PPARGC1B: variants seen among roughly 807,000 people sequenced by gnomAD.
The protein encoded by PPARGC1B is peroxisome proliferator-activated receptor gamma coactivator 1-beta.
PPARGC1B carries 34 observed loss-of-function variants against 101.6 expected under a neutral mutation model. That is an observed-to-expected ratio of 0.33 (90% CI 0.25 to 0.45). The LOEUF (loss-of-function observed/expected upper bound fraction) is 0.45. Among genes scored for constraint, PPARGC1B ranks in the 20% least tolerant of loss-of-function variants. The pLI is 1.00. For missense variants in PPARGC1B, 1,234 were observed against 1,317.6 expected (o/e 0.94, Z 0.98); for synonymous variants, 548 against 539.3 (o/e 1.02, Z -0.22).
intron 1 of PPARGC1B, among the ~76,000 whole-genome samples, chr5:149,805,184 G>A (rs567543893): frequency 2.0e-5 from 3 of 152,276 alleles, no homozygotes; most frequent in South Asian, 4.1e-4. Context: ...TAGATAACAT[G>A]GGGAATGCCC....
At chr5:149,767,497 G>T (rs1199086515) in intron 1 of PPARGC1B, among the ~76,000 whole-genome samples, 1 of 152,132 alleles carries the variant, frequency 6.6e-6, no homozygotes, top group Non-Finnish European at 1.5e-5. Context: ...ACAGACATGG[G>T]GTCTCAGAGT....
rs190030213 is a variant in PPARGC1B, at chr5:149,835,188, G to A, written c.1743-113G>A. On this transcript the variant is annotated intron_variant, in intron 6 of 11. Transcript: ENST00000309241. ...ATGCATCTCAGGCTCCATTTCCATG[G>A]GCAGTGGAACCAGGGCCTGTCACAG... is the stretch of plus-strand genomic sequence containing the variant. The A allele has an allele frequency of 5.6e-4, 517 of 925,150 alleles. 2 individuals are homozygous for A. Among genetic ancestry groups the A allele is most frequent in the Middle Eastern group, 3.9e-3 (18 of 4,564 alleles). The allele number at this position is 925,150 out of a possible 1,614,324, so 57.3% of individuals were successfully genotyped here.
intron 1 of PPARGC1B, among the ~76,000 whole-genome samples, chr5:149,819,804 G>A (rs764551827): frequency 2.0e-5 from 3 of 152,316 alleles, no homozygotes; most frequent in South Asian, 4.1e-4. Flanking sequence ...TGCCCGGCCC[G>A]TGATACGGGT....
intron 10 of PPARGC1B, 44 bp from the exon 11 acceptor site, chr5:149,845,716 C>T (rs1232312617): frequency 6.4e-7 from 1 of 1,551,806 alleles, no homozygotes; most frequent in African/African-American, 1.4e-5. Context: ...ACAGTGTCCA[C>T]CCAGCCAGCC....
chr5:149,751,384 G>A (rs543375768), intron 1 of PPARGC1B, among the ~76,000 whole-genome samples: 1 of 152,156 alleles, frequency 6.6e-6, no homozygotes, highest in East Asian at 1.9e-4. Flanking sequence ...AAATGTGAGA[G>A]CATACAAATA....
chr5:149,801,972 G>C (rs1757443982), intron 1 of PPARGC1B, among the ~76,000 whole-genome samples: 2 of 152,180 alleles, frequency 1.3e-5, no homozygotes, highest in Admixed American at 1.3e-4. Flanking sequence ...AGAACCCTAA[G>C]CAGGTGGGTG....
intron 1 of PPARGC1B, among the ~76,000 whole-genome samples, chr5:149,748,161 C>T (rs1755154453): frequency 6.6e-6 from 1 of 152,022 alleles, no homozygotes; most frequent in African/African-American, 2.4e-5. Context: ...GGGAGGCACA[C>T]GAGAACAGTG....
Position 149,837,007 on chromosome 5 carries a change from G to T in PPARGC1B, c.2552G>T (p.Arg851Leu). 6.2e-7 allele frequency: 1 copy of T among 1,613,896 alleles called. No individual in the cohort carries two copies. The highest frequency in any genetic ancestry group is 8.5e-7 in the Non-Finnish European group (1 of 1,180,020). The change falls in exon 8 of 12, where the codon CGC (arginine) becomes CTC (leucine). Residue 851 changes from arginine (R) to leucine (L), a missense_variant. Physicochemically the swap from Arg to Leu is moderately radical, Grantham distance 102. Around this residue, in one of 3 missense-constraint regions of PPARGC1B, gnomAD observed 497 missense variants for 529.5 expected, o/e 0.94. Coordinates refer to ENST00000309241, the MANE Select transcript of PPARGC1B (RefSeq NM_133263.4). This position sits in a 1 kb window ranked among gnomAD's most constrained non-coding sequence, Gnocchi z 4.2. ...AAGGCCAACCGGCAGCTCTGTTCCC[G>T]CAGCCGCTCAAGCTCTGGCTCTTCA... ...PSKANRQLCS[R>L]SRSSSGSSPC... is the part of the protein sequence containing the mutation.
At chr5:149,752,810 CAG>C (rs1424168464) in intron 1 of PPARGC1B, among the ~76,000 whole-genome samples, 1 of 152,154 alleles carries the variant, frequency 6.6e-6, no homozygotes, top group Non-Finnish European at 1.5e-5. Flanking sequence ...GCCTGGGTGA[CAG>C]AGTGAGACTC....
chr5:149,754,050 A>T (rs1755418202), intron 1 of PPARGC1B, among the ~76,000 whole-genome samples: 1 of 152,230 alleles, frequency 6.6e-6, no homozygotes, highest in Admixed American at 6.5e-5. Flanking sequence ...GTGAAATTAT[A>T]TCAGTTTATG....
intron 10 of PPARGC1B, among the ~76,000 whole-genome samples, chr5:149,844,582 T>A (rs1180714321): frequency 6.6e-6 from 1 of 152,164 alleles, no homozygotes; most frequent in Non-Finnish European, 1.5e-5. Context: ...GAGGCTACAG[T>A]GAGCTGGGAT....
chr5:149,758,157 G>A (rs1413161571), intron 1 of PPARGC1B, among the ~76,000 whole-genome samples: 1 of 152,260 alleles, frequency 6.6e-6, no homozygotes, highest in Admixed American at 6.5e-5. Context: ...ATGGTGGTAA[G>A]GCTAAATTAA....
At position 149,847,657 on chromosome 5, in the gene PPARGC1B, C is replaced by A; in HGVS notation, c.*99C>A. 1.1e-6 allele frequency: 1 copy of A among 883,858 alleles called. No individual in the cohort carries two copies. The allele number at this position is 883,858 out of a possible 1,614,324, so 54.8% of individuals were successfully genotyped here. ...AAATCAAGTATATGAGGAGAGCGAG[C>A]GAGCGTGAGAGAACACCCGTGAGAG... On this transcript the variant is annotated 3_prime_UTR_variant, in exon 12 of 12. Transcript: ENST00000309241.
In PPARGC1B at chr5:149,777,333, C is replaced by G. The variant is rs561544319; in HGVS notation, c.79-43100C>G. ...TAGAGGGAAGTCCAGAAACACATGC[C>G]ACGGTTGCTGAGCTCTCTGTCTGCA... On this transcript the variant is annotated intron_variant, in intron 1 of 11. Transcript: ENST00000309241. 2.0e-5 allele frequency among the ~76,000 whole-genome samples: 3 copies of G among 152,290 alleles called. No individual in the cohort carries two copies. In the East Asian group the frequency reaches 5.8e-4, roughly 29 times the overall value.
intron 1 of PPARGC1B, among the ~76,000 whole-genome samples, chr5:149,749,116 C>T (rs1377819818): frequency 2.6e-5 from 4 of 152,164 alleles, no homozygotes; most frequent in African/African-American, 9.7e-5. Flanking sequence ...TGGCTCAATA[C>T]AGCAGGAATC....
chr5:149,824,170 A>G (rs76452463), intron 2 of PPARGC1B, among the ~76,000 whole-genome samples: 3 of 152,302 alleles, frequency 2.0e-5, no homozygotes, highest in Non-Finnish European at 4.4e-5. Flanking sequence ...TCTCTTCACT[A>G]CATGGTTCCT....
At chr5:149,840,504 C>T (rs567189621) in intron 9 of PPARGC1B, among the ~76,000 whole-genome samples, 68 of 152,144 alleles carry the variant, frequency 4.5e-4, no homozygotes, top group African/African-American at 1.6e-3. Context: ...GTGGGCAGGT[C>T]CCCCAGCTAC....
intron 1 of PPARGC1B, among the ~76,000 whole-genome samples, chr5:149,810,315 A>G (rs1402772368): frequency 1.3e-5 from 2 of 152,236 alleles, no homozygotes; most frequent in Non-Finnish European, 2.9e-5. Context: ...AAACAAAATG[A>G]AACACTGCCT....
chr5:149,820,436 G>A lies in PPARGC1B; in HGVS notation c.82G>A (p.Gly28Arg), dbSNP rs149961520. The change falls in exon 2 of 12, where the codon GGA becomes AGA. Residue 28 changes from glycine (G) to arginine (R), a missense_variant. Gly to Arg is a moderately radical substitution (Grantham distance 125, BLOSUM62 -2). Transcript: ENST00000309241. ...TCTTTCCTTCCTGTCTCCTCAGGGTGGAGGGTCCGGGGAGGAGCAACTCTA... is the reference window on the plus strand; with the variant it reads ...TCTTTCCTTCCTGTCTCCTCAGGGTAGAGGGTCCGGGGAGGAGCAACTCTA... ...FLNYLADTQG[G>R]GSGEEQLYAD... is the part of the protein sequence containing the mutation. 6.2e-7 allele frequency: 1 copy of A among 1,613,716 alleles called. No homozygotes were observed. Among genetic ancestry groups the A allele is most frequent in the Non-Finnish European group, 8.5e-7 (1 of 1,179,870 alleles).
Sources: gnomAD v4.1 joint callset for allele counts (sites outside exome capture counted in the v4.1 genomes callset) on GRCh38, gnomAD v4.1.1 for gene constraint, gnomAD v4.1.1 regional missense constraint, Gnocchi (gnomAD v3.1) non-coding constraint, MANE v1.5 for transcripts, NCBI Gene and HGNC (gene_info 2026-07-23, HGNC 2026-07-21) for gene names.